CNTNAP4: variants seen among roughly 807,000 people sequenced by gnomAD.
CNTNAP4 encodes the protein contactin-associated protein-like 4.
CNTNAP4 carries 98 observed loss-of-function variants against 148.4 expected under a neutral mutation model. The ratio of observed to expected loss-of-function variants is 0.66; its 90% confidence interval spans 0.56 to 0.78. The LOEUF is 0.78. CNTNAP4 is among the 30% of genes least tolerant of loss of function. CNTNAP4 has a pLI of 0.00. For missense variants in CNTNAP4, 1,935 were observed against 1,565.6 expected (o/e 1.24, Z -3.98); for synonymous variants, 730 against 565.1 (o/e 1.29, Z -4.14).
chr16:76,431,540 G>A (rs554776086), intron 4 of CNTNAP4, among the ~76,000 whole-genome samples: 6 of 152,232 alleles, frequency 3.9e-5, no homozygotes, highest in Admixed American at 3.3e-4. Flanking sequence ...TTAGCCGGGC[G>A]TGGCAGCGCA....
intron 17 of CNTNAP4, among the ~76,000 whole-genome samples, chr16:76,527,262 C>T (rs72799052): frequency 0.058 from 8,764 of 152,130 alleles, 341 homozygotes; most frequent in Middle Eastern, 0.1. Context: ...GTAGAAGGAC[C>T]CTTCTCCCAT....
At chr16:76,348,316 C>A (rs1965082520) in intron 2 of CNTNAP4, among the ~76,000 whole-genome samples, 1 of 151,626 alleles carries the variant, frequency 6.6e-6, no homozygotes. Flanking sequence ...TTAAAGAGAT[C>A]AAGTAGAATA....
chr16:76,449,924 C>T lies in CNTNAP4; in HGVS notation c.1071+66C>T, dbSNP rs2080397575. The T allele has an allele frequency of 1.4e-5, 19 of 1,397,990 alleles. No individual in the cohort carries two copies. In the South Asian group the frequency reaches 2.6e-4, roughly 19 times the overall value. The allele number at this position is 1,397,990 out of a possible 1,614,324, so 86.6% of individuals were successfully genotyped here. ...CTTTTTTCCACACAGTAAAATTCCT[C>T]CATTTTAGGTTCCCATTTGACATGG... On this transcript the variant is annotated intron_variant, in intron 7 of 23. Coordinates refer to ENST00000611870, the MANE Select transcript of CNTNAP4 (RefSeq NM_033401.5).
chr16:76,533,349 G>A (rs912952900), intron 17 of CNTNAP4, among the ~76,000 whole-genome samples: 10 of 152,026 alleles, frequency 6.6e-5, no homozygotes, highest in African/African-American at 2.4e-4. Context: ...GTACAGGGAA[G>A]GGGCACAGAG....
At chr16:76,365,064 A>C (rs147331055) in intron 3 of CNTNAP4, among the ~76,000 whole-genome samples, 3 of 152,118 alleles carry the variant, frequency 2.0e-5, no homozygotes, top group African/African-American at 7.2e-5. Context: ...AGGTGTGAGG[A>C]AGGGATTCAG....
intron 1 of CNTNAP4, among the ~76,000 whole-genome samples, chr16:76,293,312 A>G (rs1376516232): frequency 6.6e-6 from 1 of 151,992 alleles, no homozygotes; most frequent in Non-Finnish European, 1.5e-5. Flanking sequence ...TTTAGTAGAG[A>G]CGGGGTTTCA....
intron 3 of CNTNAP4, among the ~76,000 whole-genome samples, chr16:76,403,101 T>A (rs1169314869): frequency 6.6e-6 from 1 of 151,468 alleles, no homozygotes; most frequent in Non-Finnish European, 1.5e-5. Context: ...TTTATTTTTT[T>A]TTTTTTTTTG....
intron 7 of CNTNAP4, among the ~76,000 whole-genome samples, chr16:76,451,595 A>G (rs1241638856): frequency 3.2e-4 from 19 of 59,426 alleles, no homozygotes; most frequent in Non-Finnish European, 9.6e-4. Flanking sequence ...AATATTTTAG[A>G]TAGATGTGTG....
At chr16:76,278,284 C>A (rs1407575269) in intron 1 of CNTNAP4, among the ~76,000 whole-genome samples, 1 of 152,166 alleles carries the variant, frequency 6.6e-6, no homozygotes, top group South Asian at 2.1e-4. Context: ...AGGCGAGTCT[C>A]AGTATTAAGA....
chr16:76,288,031 A>T (rs1334954837), intron 1 of CNTNAP4, among the ~76,000 whole-genome samples: 1 of 151,988 alleles, frequency 6.6e-6, no homozygotes, highest in African/African-American at 2.4e-5. Flanking sequence ...TCCCCCACCC[A>T]AATCTCACCT....
chr16:76,340,798 C>T (rs1245076527), intron 2 of CNTNAP4, among the ~76,000 whole-genome samples: 2 of 152,114 alleles, frequency 1.3e-5, no homozygotes, highest in Non-Finnish European at 2.9e-5. Context: ...ATACAACAAC[C>T]CCAAGATTAC....
At chr16:76,511,018 A>G (rs976004801) in intron 15 of CNTNAP4, among the ~76,000 whole-genome samples, 1 of 152,112 alleles carries the variant, frequency 6.6e-6, no homozygotes, top group Non-Finnish European at 1.5e-5. Flanking sequence ...TTCATTTGGT[A>G]TTACTTTTTC....
At chr16:76,320,194 G>T (rs1315832201) in intron 2 of CNTNAP4, among the ~76,000 whole-genome samples, 2 of 152,154 alleles carry the variant, frequency 1.3e-5, no homozygotes, top group East Asian at 3.9e-4. Flanking sequence ...TTAAAAAGTG[G>T]TAGAAAATTT....
intron 8 of CNTNAP4, among the ~76,000 whole-genome samples, chr16:76,453,790 T>C (rs9923787): frequency 0.43 from 66,024 of 151,918 alleles, 14,400 homozygotes; most frequent in Middle Eastern, 0.49. Context: ...ACTATTGTAG[T>C]TTAAATACGG....
intron 2 of CNTNAP4, among the ~76,000 whole-genome samples, chr16:76,352,448 A>T (rs2144469867): frequency 6.6e-6 from 1 of 152,238 alleles, no homozygotes; most frequent in Non-Finnish European, 1.5e-5. Flanking sequence ...TCTTTTCTAC[A>T]TCCACTGGGA....
chr16:76,372,093 C>A (rs934247639), intron 3 of CNTNAP4, among the ~76,000 whole-genome samples: 3 of 151,338 alleles, frequency 2.0e-5, no homozygotes, highest in Non-Finnish European at 4.4e-5. Flanking sequence ...TGTTCTATTT[C>A]ATTCTACTTA....
At chr16:76,534,765 T>C (rs1017795657) in intron 17 of CNTNAP4, among the ~76,000 whole-genome samples, 1 of 152,220 alleles carries the variant, frequency 6.6e-6, no homozygotes, top group Non-Finnish European at 1.5e-5. Flanking sequence ...CGTGTGATTA[T>C]GTGTTACCCA....
At chr16:76,424,424 G>A (rs1421968194) in intron 3 of CNTNAP4, among the ~76,000 whole-genome samples, 1 of 152,092 alleles carries the variant, frequency 6.6e-6, no homozygotes, top group Admixed American at 6.6e-5. Context: ...CTCAACCAAA[G>A]CTGCACATTA....
At chr16:76,379,649 T>G (rs1255265354) in intron 3 of CNTNAP4, among the ~76,000 whole-genome samples, 2 of 152,206 alleles carry the variant, frequency 1.3e-5, no homozygotes, top group African/African-American at 4.8e-5. Flanking sequence ...TTTCCTCCCA[T>G]TGAAACTGGT....
Sources: allele counts gnomAD v4.1 joint callset (sites outside exome capture counted in the v4.1 genomes callset), GRCh38; gene constraint gnomAD v4.1.1; transcripts MANE v1.5; gene names NCBI Gene and HGNC (gene_info 2026-07-23, HGNC 2026-07-21).